The following ZNF484 variants were observed in gnomAD, a reference collection of about 807,000 sequenced individuals.
The protein encoded by ZNF484 is KRAB box containing C2H2 type zinc finger bA526D8.4.
ZNF484 carries 11 observed loss-of-function variants against 12.9 expected under a neutral mutation model. The ratio of observed to expected loss-of-function variants is 0.85; its 90% CI spans 0.54 to 1.41. ZNF484 has a LOEUF of 1.41. Ranked by LOEUF, ZNF484 falls within the 40% of genes most tolerant of loss-of-function variation. The pLI is 0.00. For synonymous variants in ZNF484, 289 were observed against 334.1 expected (o/e 0.86, Z 1.47); for missense variants, 807 against 1,007.7 (o/e 0.80, Z 2.70).
At chr9:92,856,483 A>C (rs1856469900) in intron 2 of ZNF484, among the ~76,000 whole-genome samples, 165 bp from the exon 3 acceptor site, 1 of 152,234 alleles carries the variant, frequency 6.6e-6, no homozygotes, top group African/African-American at 2.4e-5. Flanking sequence ...CTACAATTCA[A>C]CGACAACGAA....
At chr9:92,863,016 C>T (rs944915750) in intron 2 of ZNF484, among the ~76,000 whole-genome samples, 3 of 152,084 alleles carry the variant, frequency 2.0e-5, no homozygotes, top group Admixed American at 6.6e-5. Flanking sequence ...GGAATCAACC[C>T]AAATGCCCAT....
At chr9:92,864,239 C>G (rs1856939077) in intron 2 of ZNF484, among the ~76,000 whole-genome samples, 1 of 152,142 alleles carries the variant, frequency 6.6e-6, no homozygotes, top group Non-Finnish European at 1.5e-5. Context: ...AACCAGGAAA[C>G]TATACTTTGG....
At position 92,848,625 on chromosome 9, in the gene ZNF484, T is replaced by A; in HGVS notation, c.236-74A>T. On this transcript the variant is annotated intron_variant, in intron 4 of 4. Coordinates refer to ENST00000375495, the MANE Select transcript of ZNF484 (RefSeq NM_031486.4). This position sits in a 1 kb window ranked among gnomAD's most constrained non-coding sequence, Gnocchi z 4.1. ...AAATAAGGCCAGGTGCGGTGGCTCA[T>A]GCCTGTAATCCTAGCACTTTGGGAG... The A allele has an allele frequency of 7.2e-7, 1 of 1,388,736 alleles. No individual in the cohort carries two copies. The highest frequency in any genetic ancestry group is 9.5e-7 in the Non-Finnish European group (1 of 1,052,562). 86.0% of individuals were successfully genotyped at this position (1,388,736 alleles called of 1,614,324 possible). A position where few individuals can be genotyped will look rare whatever the true frequency, so the allele number is the denominator to read the frequency against.
rs538751425 is a variant in ZNF484, at chr9:92,877,787, C to T, written c.-31+103G>A. On this transcript the variant is annotated intron_variant, in intron 1 of 4. Transcript: ENST00000375495. The stretch of plus-strand genomic sequence containing the variant: ...CCATCAGAGATCGCTCCGACTTCCA[C>T]TATTCCATCCACTGACCGACCCCAT... 6.4e-5 allele frequency: 99 copies of T among 1,535,752 alleles called. No homozygotes were observed. The African/African-American group carries it at 1.1e-3, about 17-fold the overall frequency.
At chr9:92,857,866 T>C (rs1487872236) in intron 2 of ZNF484, among the ~76,000 whole-genome samples, 1 of 152,154 alleles carries the variant, frequency 6.6e-6, no homozygotes, top group Non-Finnish European at 1.5e-5. Flanking sequence ...CAAGCAATCC[T>C]CCTGTCTCAG....
chr9:92,868,260 C>G (rs1349053457), intron 2 of ZNF484, among the ~76,000 whole-genome samples: 3 of 152,186 alleles, frequency 2.0e-5, no homozygotes, highest in Non-Finnish European at 4.4e-5. Context: ...CAGCCCATGC[C>G]AGTAGCTGAG....
chr9:92,846,588 T>A lies in ZNF484; in HGVS notation c.2199A>T (p.Ser733=). Reference sequence around the variant, plus strand: ...GAATTCTCCTGTGTCTATTTAAGTGTGACTTCTGGATGAAGGATTTCCCAC... The same window carrying A: ...GAATTCTCCTGTGTCTATTTAAGTGAGACTTCTGGATGAAGGATTTCCCAC... ...NECGKSFIQK[S]HLNRHRRIHT... is the part of the protein sequence containing the mutation. Residue 733 remains serine, a synonymous_variant, in exon 5 of 5, where the codon TCA becomes TCT. Transcript: ENST00000375495. 1 of 1,613,548 alleles carries A rather than the reference T, an allele frequency of 6.2e-7. No homozygotes were observed. The highest frequency in any genetic ancestry group is 2.2e-5 in the East Asian group (1 of 44,758).
At position 92,848,947 on chromosome 9, in the gene ZNF484, AAATAAAT is replaced by A. The variant is rs1855884483; in HGVS notation, c.236-403_236-397del. On this transcript the variant is annotated intron_variant, in intron 4 of 4. Transcript: ENST00000375495. This position sits in a 1 kb window ranked among gnomAD's most constrained non-coding sequence, Gnocchi z 4.1. The stretch of plus-strand genomic sequence containing the variant: ...TAAATAAATAAATAAATAAATAAAT[AAATAAAT>A]AAAAATACAATAGACCTTTGATTCA... Among the ~76,000 whole-genome samples the A allele has an allele frequency of 2.7e-5, 4 of 150,896 alleles. No homozygotes were observed. The South Asian group carries it at 8.3e-4, about 31-fold the overall frequency.
Position 92,855,842 on chromosome 9 carries a change from C to G in ZNF484, c.204G>C (p.Leu68Phe). The change falls in exon 4 of 5, where the codon TTG becomes TTC. Residue 68 changes from leucine (L) to phenylalanine (F), a missense_variant. Coordinates refer to ENST00000375495, the MANE Select transcript of ZNF484 (RefSeq NM_031486.4). ...GGCTCTGACTGGGGATCTCACCATC[C>G]AACATACATGGCTCTTCTTGTTCCA... ...FSLEQEEPCMLDGEIPSQSRP... is the reference protein window; with the variant it reads ...FSLEQEEPCMFDGEIPSQSRP... 6.2e-7 allele frequency: 1 copy of G among 1,614,150 alleles called. No individual in the cohort carries two copies. Among genetic ancestry groups the G allele is most frequent in the East Asian group, 2.2e-5 (1 of 44,878 alleles).
intron 2 of ZNF484, among the ~76,000 whole-genome samples, chr9:92,859,890 G>GT (rs1399036947): frequency 6.6e-6 from 1 of 152,228 alleles, no homozygotes; most frequent in East Asian, 1.9e-4. Flanking sequence ...TGAGCTTCCA[G>GT]TGGTTTTCTC....
chr9:92,855,003 T>C (rs1564105010), intron 4 of ZNF484, among the ~76,000 whole-genome samples: 1 of 152,148 alleles, frequency 6.6e-6, no homozygotes, highest in Admixed American at 6.5e-5. Context: ...TGGCATAACA[T>C]GTCAAATATA....
chr9:92,875,121 G>T, intron 1 of ZNF484, 62 bp from the exon 2 acceptor site: 1 of 1,467,128 alleles, frequency 6.8e-7, no homozygotes, highest in Non-Finnish European at 9.4e-7. Flanking sequence ...GTCACACATG[G>T]ACACATACAT....
chr9:92,877,934 G>A lies in ZNF484; in HGVS notation c.-75C>T, dbSNP rs1353292993. ...TCTCAGGACAGTGGTCATTTGCCTC[G>A]GGAGGTGACTATAGTCGCAAGAACC... On this transcript the variant is annotated 5_prime_UTR_variant, in exon 1 of 5. Transcript: ENST00000375495. 1 of 1,483,488 alleles carries A rather than the reference G, an allele frequency of 6.7e-7. No individual in the cohort carries two copies. Among genetic ancestry groups the A allele is most frequent in the Non-Finnish European group, 9.1e-7 (1 of 1,100,846 alleles). The allele number at this position is 1,483,488 out of a possible 1,614,324, so 91.9% of individuals were successfully genotyped here. A position where few individuals can be genotyped will look rare whatever the true frequency, so the allele number is the denominator to read the frequency against.
chr9:92,872,156 G>A (rs1857470743), intron 2 of ZNF484, among the ~76,000 whole-genome samples: 1 of 150,420 alleles, frequency 6.6e-6, no homozygotes, highest in African/African-American at 2.4e-5. Flanking sequence ...GCTGGAACCC[G>A]GAAGGCGGAG....
chr9:92,872,861 C>T (rs1857541023), intron 2 of ZNF484, among the ~76,000 whole-genome samples: 1 of 151,734 alleles, frequency 6.6e-6, no homozygotes, highest in Non-Finnish European at 1.5e-5. Context: ...ACTAATATCT[C>T]ATCAGAAACT....
At chr9:92,860,097 T>C (rs914424561) in intron 2 of ZNF484, among the ~76,000 whole-genome samples, 2 of 152,152 alleles carry the variant, frequency 1.3e-5, no homozygotes, top group African/African-American at 4.8e-5. Context: ...TGATATTGCA[T>C]GGCCAAAGGT....
Position 92,847,862 on chromosome 9 carries a change from C to G in ZNF484, c.925G>C (p.Glu309Gln), listed in dbSNP as rs923912421. The G allele has an allele frequency of 6.2e-7, 1 of 1,614,072 alleles. No homozygotes were observed. Among genetic ancestry groups the G allele is most frequent in the African/African-American group, 1.3e-5 (1 of 74,938 alleles). Residue 309 changes from glutamate to glutamine, a missense_variant, in exon 5 of 5, where the codon GAG becomes CAG. Coordinates refer to ENST00000375495, the MANE Select transcript of ZNF484 (RefSeq NM_031486.4). ...TTTGACTTGAGGGAAAAATCCTTCT[C>G]ATATTCAGTGCATATTCCTGCATAA... The part of the protein sequence containing the change: ...RVYAGICTEY[E>Q]KDFSLKSNRQ...
intron 4 of ZNF484, 131 bp downstream of exon 4, chr9:92,855,680 A>T (rs1856391818): frequency 2.7e-6 from 2 of 732,194 alleles, no homozygotes; most frequent in Non-Finnish European, 4.6e-6. Flanking sequence ...TTGTCTAATA[A>T]CTGCTCTTCC....
Position 92,877,988 on chromosome 9 carries a change from T to G in ZNF484, c.-129A>C. 1 of 931,516 alleles carries G rather than the reference T, an allele frequency of 1.1e-6. No homozygotes were observed. The highest frequency in any genetic ancestry group is 1.6e-6 in the Non-Finnish European group (1 of 622,356). 57.7% of individuals were successfully genotyped at this position (931,516 alleles called of 1,614,324 possible). On this transcript the variant is annotated 5_prime_UTR_variant, in exon 1 of 5. Transcript: ENST00000375495. ...ACAGGACCCACTTCCTTTTTCTCAA[T>G]GCCTCCCAGGCCTAGAGGTACTTCT...
Sources: gnomAD v4.1 joint callset for allele counts (sites outside exome capture counted in the v4.1 genomes callset) on GRCh38, gnomAD v4.1.1 for gene constraint, Gnocchi (gnomAD v3.1) non-coding constraint, MANE v1.5 for transcripts, NCBI Gene and HGNC (gene_info 2026-07-23, HGNC 2026-07-21) for gene names.